The following LRRTM4 variants were observed in gnomAD, a reference collection of about 807,000 sequenced individuals.
The protein encoded by LRRTM4 is leucine-rich repeat transmembrane neuronal protein 4.
A neutral mutation model predicts 47.6 loss-of-function variants in LRRTM4; 25 were observed. The observed-to-expected ratio is 0.53, with a 90% CI of 0.38 to 0.73. The LOEUF is 0.73. LRRTM4 is among the 30% of genes least tolerant of loss of function. The pLI is 0.00. For synonymous variants in LRRTM4, 311 were observed against 269.5 expected (o/e 1.15, Z -1.51); for missense variants, 638 against 713.4 (o/e 0.89, Z 1.20).
chr2:77,214,073 A>G (rs1674370340), intron 3 of LRRTM4, among the ~76,000 whole-genome samples: 1 of 152,182 alleles, frequency 6.6e-6, no homozygotes, highest in Non-Finnish European at 1.5e-5. Flanking sequence ...TTAAACATTG[A>G]GTCTAAATGA....
rs529971851 is a variant in LRRTM4, at chr2:77,151,677, G to A, written c.1551+366641C>T. On this transcript the variant is annotated intron_variant, in intron 3 of 3. Transcript: ENST00000409884. ...AACTAAATCAAGTCAGTCAGTCACA[G>A]AAAAACAAAGATTGCATTTCATGTT... is the stretch of plus-strand genomic sequence containing the variant. 2.6e-5 allele frequency among the ~76,000 whole-genome samples: 4 copies of A among 152,258 alleles called. No homozygotes were observed. In the East Asian group the frequency reaches 5.8e-4, roughly 22 times the overall value.
chr2:76,868,775 T>C lies in LRRTM4; in HGVS notation c.1552-119859A>G, dbSNP rs78220393. ...AAACTTAAACTGAGTCAGACCCAGA[T>C]GAAAGAACATGAAGTCGATCTGTGA... On this transcript the variant is annotated intron_variant, in intron 3 of 3. Transcript: ENST00000409884. Among the ~76,000 whole-genome samples the C allele has an allele frequency of 3.8e-3, 576 of 152,266 alleles. 3 individuals are homozygous for C. The highest frequency in any genetic ancestry group is 0.014 in the African/African-American group (562 of 41,538).
At chr2:77,489,132 G>A (rs977921499) in intron 3 of LRRTM4, among the ~76,000 whole-genome samples, 3 of 151,994 alleles carry the variant, frequency 2.0e-5, no homozygotes. Context: ...TGGCCAAATG[G>A]TCTCTATATA....
At chr2:76,771,490 C>G (rs889298012) in intron 3 of LRRTM4, among the ~76,000 whole-genome samples, 1 of 151,974 alleles carries the variant, frequency 6.6e-6, no homozygotes, top group Admixed American at 6.6e-5. Flanking sequence ...AGGAGGAACC[C>G]CTTTAACCAC....
intron 3 of LRRTM4, among the ~76,000 whole-genome samples, chr2:76,852,744 A>G (rs1573212550): frequency 6.6e-6 from 1 of 152,138 alleles, no homozygotes; most frequent in East Asian, 1.9e-4. Flanking sequence ...GTGGAGTGAG[A>G]TATACAAACA....
At chr2:77,091,232 G>C (rs138151547) in intron 3 of LRRTM4, among the ~76,000 whole-genome samples, 1 of 134,006 alleles carries the variant, frequency 7.5e-6, no homozygotes, top group Non-Finnish European at 1.7e-5. Flanking sequence ...CCTCCTTTGC[G>C]TCCTCCTCTT....
intron 3 of LRRTM4, among the ~76,000 whole-genome samples, chr2:77,037,346 C>A (rs991424140): frequency 5.3e-5 from 8 of 151,692 alleles, no homozygotes; most frequent in African/African-American, 1.9e-4. Context: ...CCCCTATTAT[C>A]TTTTGGTGAG....
intron 3 of LRRTM4, among the ~76,000 whole-genome samples, chr2:76,973,075 T>A (rs1190590302): frequency 2.0e-5 from 3 of 151,976 alleles, no homozygotes; most frequent in Admixed American, 2.0e-4. Context: ...TGTTTTGACT[T>A]GTTGAGGAAA....
chr2:76,920,117 A>T (rs886550296), intron 3 of LRRTM4, among the ~76,000 whole-genome samples: 1 of 152,152 alleles, frequency 6.6e-6, no homozygotes, highest in African/African-American at 2.4e-5. Context: ...GTAATATGAG[A>T]TCCTTGCCTG....
intron 3 of LRRTM4, among the ~76,000 whole-genome samples, chr2:76,999,912 C>A (rs1292831344): frequency 6.6e-6 from 1 of 152,132 alleles, no homozygotes; most frequent in Non-Finnish European, 1.5e-5. Flanking sequence ...TAAGTTGCTA[C>A]AGTTTAAAAG....
chr2:77,519,215 G>C lies in LRRTM4; in HGVS notation c.654C>G (p.Ser218=). The C allele has an allele frequency of 6.2e-7, 1 of 1,613,284 alleles. No individual in the cohort carries two copies. Among genetic ancestry groups the C allele is most frequent in the East Asian group, 2.2e-5 (1 of 44,820 alleles). Residue 218 remains serine, a synonymous_variant, in exon 3 of 4, where the codon TCC becomes TCG. Coordinates refer to ENST00000409884, the MANE Select transcript of LRRTM4 (RefSeq NM_001134745.3). This position sits in a 1 kb window ranked among gnomAD's most constrained non-coding sequence, Gnocchi z 4.6. ...GTGGAAAATGAGCAAAGTTGATCTT[G>C]GAAAACTGGTTGTGCTCCAGGTGGA... is the stretch of plus-strand genomic sequence containing the variant. The part of the protein sequence containing the change: ...KELHLEHNQF[S]KINFAHFPRL...
chr2:77,230,859 A>G (rs1473198744), intron 3 of LRRTM4, among the ~76,000 whole-genome samples: 3 of 152,164 alleles, frequency 2.0e-5, no homozygotes, highest in Non-Finnish European at 4.4e-5. Flanking sequence ...AGAAAAAAAT[A>G]ACACAAACTA....
At chr2:76,980,854 G>A (rs1002449695) in intron 3 of LRRTM4, among the ~76,000 whole-genome samples, 1 of 152,002 alleles carries the variant, frequency 6.6e-6, no homozygotes, top group African/African-American at 2.4e-5. Flanking sequence ...ACATTTCTCT[G>A]TTACATTATA....
At chr2:77,143,691 C>G (rs897653900) in intron 3 of LRRTM4, among the ~76,000 whole-genome samples, 1 of 152,052 alleles carries the variant, frequency 6.6e-6, no homozygotes, top group African/African-American at 2.4e-5. Flanking sequence ...ATATGAAGAG[C>G]CTAGATTGAG....
chr2:76,943,564 A>G (rs1675223424), intron 3 of LRRTM4, among the ~76,000 whole-genome samples: 1 of 152,238 alleles, frequency 6.6e-6, no homozygotes, highest in South Asian at 2.1e-4. Context: ...TTTATGCTGT[A>G]TATGGTCTCA....
chr2:76,799,505 G>C (rs1444245045), intron 3 of LRRTM4, among the ~76,000 whole-genome samples: 1 of 143,850 alleles, frequency 7.0e-6, no homozygotes, highest in Non-Finnish European at 1.5e-5. Flanking sequence ...ATACTGAATG[G>C]GCAAAAACTG....
intron 3 of LRRTM4, among the ~76,000 whole-genome samples, chr2:76,880,562 A>G (rs1672901157): frequency 6.6e-6 from 1 of 152,188 alleles, no homozygotes; most frequent in South Asian, 2.1e-4. Flanking sequence ...TTATTATGTT[A>G]TTAACTTTGT....
chr2:76,796,532 A>AC (rs1477000376), intron 3 of LRRTM4, among the ~76,000 whole-genome samples: 1 of 126,012 alleles, frequency 7.9e-6, no homozygotes, highest in Non-Finnish European at 1.6e-5. Context: ...ACTGGGAGGC[A>AC]CCCCCAAGCA....
intron 3 of LRRTM4, among the ~76,000 whole-genome samples, chr2:77,181,388 A>G (rs1673342697): frequency 6.6e-6 from 1 of 152,166 alleles, no homozygotes; most frequent in Admixed American, 6.6e-5. Context: ...GAAGCTACAC[A>G]GAGCATTCCC....
Sources: gnomAD v4.1 joint callset for allele counts (sites outside exome capture counted in the v4.1 genomes callset) on GRCh38, gnomAD v4.1.1 for gene constraint, Gnocchi (gnomAD v3.1) non-coding constraint, MANE v1.5 for transcripts, NCBI Gene and HGNC (gene_info 2026-07-23, HGNC 2026-07-21) for gene names.